The following CDC27 variants were observed in gnomAD, a reference collection of about 807,000 sequenced individuals.
CDC27 encodes cell division cycle protein 27 homolog.
Under a neutral mutation model 109.7 loss-of-function variants are expected in CDC27, and 27 were observed. The observed-to-expected ratio is 0.25, with a 90% CI of 0.18 to 0.34. The LOEUF (loss-of-function observed/expected upper bound fraction) is 0.34. Among genes scored for constraint, CDC27 ranks in the 10% least tolerant of loss-of-function variants. The pLI, the probability that CDC27 is intolerant of heterozygous loss-of-function variation, is 1.00. For missense variants in CDC27, 579 were observed against 960.2 expected (o/e 0.60, Z 5.25); for synonymous variants, 266 against 333.9 (o/e 0.80, Z 2.22).
intron 1 of CDC27, among the ~76,000 whole-genome samples, chr17:47,186,481 A>G (rs143595952): frequency 1.4e-3 from 220 of 152,356 alleles, no homozygotes; most frequent in African/African-American, 5.2e-3. Flanking sequence ...TGCTAAATCT[A>G]TATAAAATCT....
chr17:47,151,271 C>T (rs868153467), intron 9 of CDC27, among the ~76,000 whole-genome samples: 1 of 152,160 alleles, frequency 6.6e-6, no homozygotes, highest in Non-Finnish European at 1.5e-5. Flanking sequence ...GGTATATGCA[C>T]ACCTGTGTGT....
At chr17:47,153,089 C>G (rs528468043) in intron 8 of CDC27, among the ~76,000 whole-genome samples, 2 of 152,212 alleles carry the variant, frequency 1.3e-5, no homozygotes, top group Non-Finnish European at 2.9e-5. Context: ...TCACTACATT[C>G]ATCCAAGGGA....
rs770679862 is a variant in CDC27, at chr17:47,158,292, C to A, written c.389G>T (p.Arg130Leu). ...LLGHVYCKTD[R>L]LAKGSECYQK... ...GTAACATTCTGATCCTTTGGCAAGCCGATCTGTCTTGCTGTGGAGAGAAAC... is the reference window on the plus strand; with the variant it reads ...GTAACATTCTGATCCTTTGGCAAGCAGATCTGTCTTGCTGTGGAGAGAAAC... The change falls in exon 5 of 19, where the codon CGG becomes CTG. Residue 130 changes from arginine to leucine, a missense_variant. By Grantham distance (102) the Arg-to-Leu change is moderately radical. This residue lies in a region of CDC27 where 52 missense variants were observed against 63.4 expected (regional missense o/e 0.82). Coordinates refer to ENST00000066544, the MANE Select transcript of CDC27 (RefSeq NM_001256.6). 7 of 1,554,506 alleles carry A rather than the reference C, an allele frequency of 4.5e-6. No individual in the cohort carries two copies. Among genetic ancestry groups the A allele is most frequent in the Non-Finnish European group, 6.1e-6 (7 of 1,148,800 alleles).
intron 13 of CDC27, 94 bp from the exon 14 acceptor site, chr17:47,137,454 G>A: frequency 1.6e-6 from 1 of 634,696 alleles, no homozygotes. Flanking sequence ...ACTTAGAACA[G>A]AAAGACAAAA....
At chr17:47,141,811 A>T in intron 12 of CDC27, 42 bp downstream of exon 12, 1 of 1,226,994 alleles carries the variant, frequency 8.2e-7, no homozygotes, top group African/African-American at 1.6e-5. Context: ...TGAAATTGAA[A>T]TTATCTCTAG....
At chr17:47,124,754 G>C (rs979321460) in intron 16 of CDC27, among the ~76,000 whole-genome samples, 1 of 152,092 alleles carries the variant, frequency 6.6e-6, no homozygotes, top group Non-Finnish European at 1.5e-5. Context: ...ATATTATGTA[G>C]CTTTTGGAAA....
At position 47,181,466 on chromosome 17, in the gene CDC27, T is replaced by C. The variant is rs759191311; in HGVS notation, c.103+96A>G. 426 of 646,966 alleles carry C rather than the reference T, an allele frequency of 6.6e-4. 3 individuals are homozygous for C. The highest frequency in any genetic ancestry group is 6.5e-3 in the Middle Eastern group (16 of 2,478). The allele number at this position is 646,966 out of a possible 1,614,324, so 40.1% of individuals were successfully genotyped here. On this transcript the variant is annotated intron_variant, in intron 2 of 18. Transcript: ENST00000066544. Reference sequence around the variant, plus strand: ...AGTGTCAATCAGAAAAACAACAAGATGATGATAGCTAGAATCTTGTTACAG... The same window carrying C: ...AGTGTCAATCAGAAAAACAACAAGACGATGATAGCTAGAATCTTGTTACAG...
intron 8 of CDC27, among the ~76,000 whole-genome samples, chr17:47,153,861 T>G (rs1014193691): frequency 6.6e-6 from 1 of 152,042 alleles, no homozygotes; most frequent in African/African-American, 2.4e-5. Flanking sequence ...GGCAGGAGGA[T>G]TGCTTGAGCC....
intron 15 of CDC27, 80 bp from the exon 16 acceptor site, chr17:47,129,601 A>G: frequency 1.1e-6 from 1 of 925,090 alleles, no homozygotes; most frequent in Admixed American, 2.3e-5. Flanking sequence ...CTCAAAACCA[A>G]CATAATCAAA....
chr17:47,182,101 T>C (rs915257543), intron 1 of CDC27, among the ~76,000 whole-genome samples: 13 of 152,240 alleles, frequency 8.5e-5, no homozygotes, highest in African/African-American at 3.1e-4. Context: ...TTAGCAGCAG[T>C]GGTTCTCAAC....
chr17:47,184,244 G>T (rs186375548), intron 1 of CDC27, among the ~76,000 whole-genome samples: 2 of 152,242 alleles, frequency 1.3e-5, no homozygotes, highest in African/African-American at 4.8e-5. Context: ...TAAATGAAAT[G>T]ATCCATTTAT....
chr17:47,175,039 G>GGA (rs1555558355), intron 2 of CDC27, among the ~76,000 whole-genome samples: 18 of 130,006 alleles, frequency 1.4e-4, no homozygotes, highest in African/African-American at 4.7e-4. Context: ...AAGAGAGAGA[G>GGA]AGGAAGGAAG....
chr17:47,171,861 C>T (rs1279171852), intron 3 of CDC27, 56 bp downstream of exon 3: 3 of 1,197,264 alleles, frequency 2.5e-6, no homozygotes, highest in Non-Finnish European at 3.5e-6. Flanking sequence ...GGAATTTTAT[C>T]CAAAATTCAA....
chr17:47,144,489 G>A (rs1172785334), intron 9 of CDC27, among the ~76,000 whole-genome samples: 2 of 152,184 alleles, frequency 1.3e-5, no homozygotes, highest in African/African-American at 4.8e-5. Context: ...GTCTAAATGT[G>A]GGGTATTTGT....
At chr17:47,138,695 AT>A (rs761599940) in intron 13 of CDC27, 43 bp downstream of exon 13, 6 of 1,398,888 alleles carry the variant, frequency 4.3e-6, no homozygotes, top group Non-Finnish European at 6.1e-6. Flanking sequence ...GTTGAGGGTG[AT>A]CAAAAAGGTA....
At chr17:47,124,515 C>T (rs936415287) in intron 16 of CDC27, among the ~76,000 whole-genome samples, 11 of 152,256 alleles carry the variant, frequency 7.2e-5, no homozygotes, top group African/African-American at 2.6e-4. Flanking sequence ...AACTCCTGAC[C>T]TCAAGTAATC....
chr17:47,138,093 A>C (rs1431203703), intron 13 of CDC27, among the ~76,000 whole-genome samples: 1 of 151,928 alleles, frequency 6.6e-6, no homozygotes, highest in East Asian at 1.9e-4. Flanking sequence ...GAGCCACCAC[A>C]CCCAGCAGCA....
In CDC27 at chr17:47,166,762, G is replaced by C. The variant is rs537500961; in HGVS notation, c.377+3155C>G. 2.9e-4 allele frequency among the ~76,000 whole-genome samples: 44 copies of C among 152,184 alleles called. 1 individual carries two copies. In the South Asian group the frequency reaches 8.7e-3, roughly 30 times the overall value. On this transcript the variant is annotated intron_variant, in intron 4 of 18. Coordinates refer to ENST00000066544, the MANE Select transcript of CDC27 (RefSeq NM_001256.6). ...GCTGTAAGACTTTAGCAACATCATA[G>C]TTTTTAATATGTCATATTTATTATC...
At chr17:47,148,970 T>C (rs1281786912) in intron 9 of CDC27, among the ~76,000 whole-genome samples, 7 of 150,518 alleles carry the variant, frequency 4.7e-5, no homozygotes, top group African/African-American at 1.5e-4. Flanking sequence ...TCCCAGCTAC[T>C]CGGGAGGCCG....
Sources: gnomAD v4.1 joint callset for allele counts (sites outside exome capture counted in the v4.1 genomes callset) on GRCh38, gnomAD v4.1.1 for gene constraint, gnomAD v4.1.1 regional missense constraint, MANE v1.5 for transcripts, NCBI Gene and HGNC (gene_info 2026-07-23, HGNC 2026-07-21) for gene names.